The following TRIM5 variants were observed in gnomAD, a reference collection of about 807,000 sequenced individuals.
TRIM5 encodes the protein tripartite motif-containing protein 5.
In TRIM5, 31 loss-of-function variants were observed where a neutral mutation model predicts 35.6. That is an observed-to-expected ratio of 0.87 (90% CI 0.65 to 1.18). The LOEUF is 1.18. Among genes scored for constraint, TRIM5 ranks in the 50% most tolerant of loss-of-function variants. The pLI, the probability that TRIM5 is intolerant of heterozygous loss-of-function variation, is 0.00. For missense variants in TRIM5, 609 were observed against 591.6 expected, an observed-to-expected ratio of 1.03 and a Z score of -0.31; for synonymous variants, 243 against 215.6, an observed-to-expected ratio of 1.13 and a Z score of -1.11.
Position 5,663,508 on chromosome 11 carries a change from T to G in TRIM5, c.*1301A>C, listed in dbSNP as rs1850908185. ...CCATGAGACATTAACAGAGTTTATGTTTTTCAATAATTTGTAGAACAAGTA... is the reference window on the plus strand; with the variant it reads ...CCATGAGACATTAACAGAGTTTATGGTTTTCAATAATTTGTAGAACAAGTA... On this transcript the variant is annotated 3_prime_UTR_variant, in exon 8 of 8. Coordinates refer to ENST00000380034, the MANE Select transcript of TRIM5 (RefSeq NM_033034.3). 2.0e-6 allele frequency: 2 copies of G among 985,104 alleles called. No individual in the cohort carries two copies. The highest frequency in any genetic ancestry group is 5.2e-4 in the Middle Eastern group (1 of 1,914). 61.0% of individuals were successfully genotyped at this position (985,104 alleles called of 1,614,324 possible).
chr11:5,609,405 T>C, the TRIM5 span, among the ~76,000 whole-genome samples: 112,619 of 152,028 alleles, frequency 0.74, 41,907 homozygotes, highest in Middle Eastern at 0.81. Context: ...AACCCCTTCA[T>C]TTGATACTTT....
At chr11:5,603,865 C>T in the TRIM5 span, 1 of 1,440,348 alleles carries the variant, frequency 6.9e-7, no homozygotes, top group Non-Finnish European at 9.2e-7. Flanking sequence ...AACTGCCTCC[C>T]TGATTAAGAA....
the TRIM5 span, chr11:5,611,221 T>C: frequency 3.1e-6 from 5 of 1,613,572 alleles, no homozygotes; most frequent in South Asian, 5.5e-5. Context: ...TTTTATAATG[T>C]CACAAACCAT....
intron 4 of TRIM5, among the ~76,000 whole-genome samples, chr11:5,670,329 C>T (rs1851490870): frequency 6.9e-6 from 1 of 144,258 alleles, no homozygotes; most frequent in Non-Finnish European, 1.6e-5. Context: ...AGGCTCCCAC[C>T]ACCACACCCA....
chr11:5,682,021 A>G (rs1179614577), intron 1 of TRIM5, among the ~76,000 whole-genome samples: 1 of 151,544 alleles, frequency 6.6e-6, no homozygotes, highest in Non-Finnish European at 1.5e-5. Flanking sequence ...CTGGTCTCCA[A>G]CTCCTGACCT....
the TRIM5 span, among the ~76,000 whole-genome samples, chr11:5,656,355 CTTTTT>C: frequency 7.0e-6 from 1 of 142,870 alleles, no homozygotes; most frequent in Admixed American, 6.9e-5. Context: ...TGAACAGACA[CTTTTT>C]TTTTTTTTTT....
chr11:5,619,141 G>C, the TRIM5 span, among the ~76,000 whole-genome samples: 1 of 152,188 alleles, frequency 6.6e-6, no homozygotes, highest in Non-Finnish European at 1.5e-5. Context: ...TACCTAAAAA[G>C]AGCCTCTGCA....
chr11:5,628,806 A>ATTTT, the TRIM5 span, among the ~76,000 whole-genome samples: 2 of 149,456 alleles, frequency 1.3e-5, no homozygotes, highest in Non-Finnish European at 1.5e-5. Context: ...GGCAAAGTTG[A>ATTTT]TTTTTTTTTT....
the TRIM5 span, chr11:5,643,767 C>A: frequency 6.6e-7 from 1 of 1,520,918 alleles, no homozygotes; most frequent in South Asian, 1.4e-5. Flanking sequence ...GCAACTGACT[C>A]ATCTGCAACA....
the TRIM5 span, chr11:5,603,291 A>C: frequency 0.019 from 30,052 of 1,614,074 alleles, 318 homozygotes; most frequent in Middle Eastern, 0.027. Context: ...TTGGGCAGGC[A>C]GGAGCCAGGA....
the TRIM5 span, chr11:5,605,482 A>G: frequency 5.0e-6 from 8 of 1,614,210 alleles, no homozygotes; most frequent in Non-Finnish European, 6.8e-6. Context: ...GCTGAGAATG[A>G]TCTGGTCCAC....
intron 2 of TRIM5, 149 bp from the exon 3 acceptor site, chr11:5,679,318 A>C (rs1332732038): frequency 1.4e-6 from 1 of 722,586 alleles, no homozygotes; most frequent in Non-Finnish European, 2.4e-6. Flanking sequence ...ACTTGGAAGA[A>C]AACTTACATT....
the TRIM5 span, among the ~76,000 whole-genome samples, chr11:5,647,974 G>A: frequency 0.031 from 4,678 of 152,142 alleles, 178 homozygotes; most frequent in East Asian, 0.15. Context: ...CATAGAATGC[G>A]ATTTATTCTC....
the TRIM5 span, among the ~76,000 whole-genome samples, chr11:5,655,202 A>G: frequency 6.6e-6 from 1 of 152,216 alleles, no homozygotes; most frequent in East Asian, 1.9e-4. Context: ...TAAAAAAAAA[A>G]AAAAAAGGAA....
chr11:5,602,757 C>T, the TRIM5 span, among the ~76,000 whole-genome samples: 1 of 151,544 alleles, frequency 6.6e-6, no homozygotes, highest in African/African-American at 2.4e-5. Flanking sequence ...AGTTCAAGAC[C>T]ACCCTGGCTA....
rs1308770845 is a variant in TRIM5 at position 5,679,172 on chromosome 11, G to A, written c.418-3C>T. On this transcript the variant is annotated splice_polypyrimidine_tract_variant and splice_region_variant and intron_variant, in intron 2 of 7. Transcript: ENST00000380034. ...TCCAGAGCTGCCTGGAGCTTCACCT[G>A]TGAGAAAGGAATCACACCATAGTCA... The A allele has an allele frequency of 2.5e-6, 4 of 1,613,232 alleles. No homozygotes were observed. Among genetic ancestry groups the A allele is most frequent in the South Asian group, 1.1e-5 (1 of 91,058 alleles).
chr11:5,605,352 G>A, the TRIM5 span: 5 of 1,614,182 alleles, frequency 3.1e-6, no homozygotes, highest in Non-Finnish European at 4.2e-6. Context: ...GATGGAGCCT[G>A]AGAGATGCAG....
chr11:5,610,374 T>C, the TRIM5 span: 321 of 1,563,716 alleles, frequency 2.1e-4, 1 homozygote, highest in East Asian at 4.7e-4. Context: ...AGGGACATAG[T>C]GTGCTGAAGA....
At chr11:5,640,593 G>C in the TRIM5 span, among the ~76,000 whole-genome samples, 1 of 152,014 alleles carries the variant, frequency 6.6e-6, no homozygotes, top group Non-Finnish European at 1.5e-5. Context: ...TTGGTCTATG[G>C]TTTTCTTTTC....
Sources: gnomAD v4.1 joint callset for allele counts (sites outside exome capture counted in the v4.1 genomes callset) on GRCh38, gnomAD v4.1.1 for gene constraint, MANE v1.5 for transcripts, NCBI Gene and HGNC (gene_info 2026-07-23, HGNC 2026-07-21) for gene names.